ASF1B: variants seen among roughly 807,000 people sequenced by gnomAD.
ASF1B encodes the protein histone chaperone ASF1B.
ASF1B carries 10 observed loss-of-function variants against 16.6 expected under a neutral mutation model. The ratio of observed to expected loss-of-function variants is 0.60; its 90% CI spans 0.37 to 1.02. The LOEUF (loss-of-function observed/expected upper bound fraction) is 1.02. Ranked by LOEUF, ASF1B falls within the 50% of genes least tolerant of loss-of-function variation. ASF1B has a pLI of 0.01. For missense variants in ASF1B, 240 were observed against 266.0 expected (o/e 0.90, Z 0.68); for synonymous variants, 101 against 106.2 (o/e 0.95, Z 0.30).
chr19:14,133,235 C>T (rs1158062997), intron 1 of ASF1B, among the ~76,000 whole-genome samples: 1 of 152,170 alleles, frequency 6.6e-6, no homozygotes, highest in East Asian at 1.9e-4. Flanking sequence ...ATCTATGCTC[C>T]ACCCCTGAAA....
intron 1 of ASF1B, 68 bp from the exon 2 acceptor site, chr19:14,126,305 G>GT: frequency 1.9e-6 from 2 of 1,053,708 alleles, no homozygotes; most frequent in Non-Finnish European, 2.8e-6. Flanking sequence ...ATAGGCTCTT[G>GT]TATTTTTTTT....
In ASF1B at chr19:14,136,484, G is replaced by A; in HGVS notation, c.-28C>T. 1 of 1,604,896 alleles carries A rather than the reference G, an allele frequency of 6.2e-7. No homozygotes were observed. The highest frequency in any genetic ancestry group is 8.5e-7 in the Non-Finnish European group (1 of 1,173,720). On this transcript the variant is annotated 5_prime_UTR_variant, in exon 1 of 4. Transcript: ENST00000263382. ...CCTCGCCTCGCCGCGCCGCAGCAGG[G>A]GCAGGGGCTGTGGCTGTGGCGGAGG... is the stretch of plus-strand genomic sequence containing the variant.
rs185297001 is a variant in ASF1B at position 14,121,369 on chromosome 19, G to T, written c.402+163C>A. 35 of 653,524 alleles carry T rather than the reference G, an allele frequency of 5.4e-5. No homozygotes were observed. The African/African-American group carries it at 6.4e-4, about 12-fold the overall frequency. 40.5% of individuals were successfully genotyped at this position (653,524 alleles called of 1,614,324 possible). A position where few individuals can be genotyped will look rare whatever the true frequency, so the allele number is the denominator to read the frequency against. On this transcript the variant is annotated intron_variant, in intron 3 of 3. Transcript: ENST00000263382. ...TCTTAATTCTCTAAGACATGCCTTT[G>T]AGAGACAAAGGTCTTTTTCTCCTCT...
At chr19:14,120,733 A>T in intron 3 of ASF1B, 68 bp from the exon 4 acceptor site, 1 of 1,452,390 alleles carries the variant, frequency 6.9e-7, no homozygotes, top group Non-Finnish European at 9.5e-7. Flanking sequence ...GAGCCAGGAC[A>T]CCCCCAATCA....
chr19:14,135,221 C>CAAAA (rs34683519), intron 1 of ASF1B, among the ~76,000 whole-genome samples: 2 of 54,790 alleles, frequency 3.7e-5, no homozygotes, highest in Admixed American at 1.9e-4. Context: ...GAGACTGTCT[C>CAAAA]AAAAAAAAAA....
chr19:14,134,313 A>C (rs1190166563), intron 1 of ASF1B, among the ~76,000 whole-genome samples: 1 of 152,060 alleles, frequency 6.6e-6, no homozygotes, highest in South Asian at 2.1e-4. Flanking sequence ...CATATTCTAT[A>C]GTTAGCCACA....
chr19:14,134,335 TA>T (rs1477694352), intron 1 of ASF1B, among the ~76,000 whole-genome samples: 42 of 152,136 alleles, frequency 2.8e-4, no homozygotes, highest in African/African-American at 9.9e-4. Context: ...GTAGACTCCT[TA>T]ATTTAAAAAG....
At chr19:14,124,769 C>T (rs34431786) in intron 2 of ASF1B, among the ~76,000 whole-genome samples, 15,420 of 152,166 alleles carry the variant, frequency 0.1, 984 homozygotes, top group Admixed American at 0.17. Context: ...CTACTTAGTG[C>T]TTTTTTCCAT....
chr19:14,126,391 G>A (rs1043734209), intron 1 of ASF1B, among the ~76,000 whole-genome samples, 154 bp from the exon 2 acceptor site: 5 of 150,534 alleles, frequency 3.3e-5, no homozygotes, highest in East Asian at 3.9e-4. Context: ...TGCAACTTCC[G>A]CCTCCCAGGT....
Position 14,120,390 on chromosome 19 carries a change from GC to G in ASF1B, c.*68del. ...ATGGCCCCCAAAGTCCTCTAGATGG[GC>G]CCTGCAGGACTCGCTGGGAGGCCTG... On this transcript the variant is annotated 3_prime_UTR_variant, in exon 4 of 4. Coordinates refer to ENST00000263382, the MANE Select transcript of ASF1B (RefSeq NM_018154.3). 6.7e-7 allele frequency: 1 copy of G among 1,502,222 alleles called. No individual in the cohort carries two copies. The highest frequency in any genetic ancestry group is 9.1e-7 in the Non-Finnish European group (1 of 1,094,118). The allele number at this position is 1,502,222 out of a possible 1,614,324, so 93.1% of individuals were successfully genotyped here. A position where few individuals can be genotyped will look rare whatever the true frequency, so the allele number is the denominator to read the frequency against.
intron 2 of ASF1B, among the ~76,000 whole-genome samples, chr19:14,124,184 C>A (rs1039750187): frequency 2.0e-5 from 3 of 152,032 alleles, no homozygotes; most frequent in African/African-American, 7.2e-5. Flanking sequence ...AGAGACAGGT[C>A]TCGCTGTCAC....
chr19:14,132,024 G>GTTT (rs34539223), intron 1 of ASF1B, among the ~76,000 whole-genome samples: 3 of 124,592 alleles, frequency 2.4e-5, no homozygotes, highest in Admixed American at 8.3e-5. Context: ...GGTTAGGGTG[G>GTTT]TTTTTTTTTT....
intron 2 of ASF1B, among the ~76,000 whole-genome samples, chr19:14,124,044 A>G (rs1195902913): frequency 1.3e-5 from 2 of 151,956 alleles, no homozygotes; most frequent in Admixed American, 1.3e-4. Flanking sequence ...TGCCTGCCCC[A>G]GCCTCCCAAA....
rs140545505 is a variant in ASF1B at position 14,124,254 on chromosome 19, A to G, written c.225+1868T>C. Reference sequence around the variant, plus strand: ...CTGTAGCCTCAAACTCTCAGGCTCAAGCAAGCCTCCTGCTTCAGCCTCCCA... The same window carrying G: ...CTGTAGCCTCAAACTCTCAGGCTCAGGCAAGCCTCCTGCTTCAGCCTCCCA... On this transcript the variant is annotated intron_variant, in intron 2 of 3. Coordinates refer to ENST00000263382, the MANE Select transcript of ASF1B (RefSeq NM_018154.3). 7.8e-3 allele frequency among the ~76,000 whole-genome samples: 1,182 copies of G among 152,254 alleles called. 7 individuals are homozygous for G. Among genetic ancestry groups the G allele is most frequent in the Non-Finnish European group, 0.012 (788 of 68,014 alleles).
At chr19:14,133,147 A>C (rs1189590385) in intron 1 of ASF1B, among the ~76,000 whole-genome samples, 1 of 151,694 alleles carries the variant, frequency 6.6e-6, no homozygotes, top group Admixed American at 6.6e-5. Flanking sequence ...TAAATAAATA[A>C]ATAAATAATA....
Position 14,120,561 on chromosome 19 carries a change from G to A in ASF1B, c.507C>T (p.Ser169=). The A allele has an allele frequency of 6.2e-7, 1 of 1,614,016 alleles. No individual in the cohort carries two copies. The highest frequency in any genetic ancestry group is 1.3e-5 in the African/African-American group (1 of 75,032). The change falls in exon 4 of 4, where the codon TCC becomes TCT. Residue 169 remains serine (S), a synonymous_variant. Coordinates refer to ENST00000263382, the MANE Select transcript of ASF1B (RefSeq NM_018154.3). ...AGTTGAGTGGGAGGCCGCAGCCCAG[G>A]GAGGGGTCCTGGGTCTCTATGGCCT... ...RLEAIETQDP[S]LGCGLPLNCT...
intron 1 of ASF1B, among the ~76,000 whole-genome samples, chr19:14,136,120 G>C (rs1183080231): frequency 2.6e-5 from 4 of 151,124 alleles, no homozygotes; most frequent in Non-Finnish European, 4.4e-5. Flanking sequence ...CCACCCGGGA[G>C]GTCAAGGCGG....
Position 14,136,370 on chromosome 19 carries a change from C to T in ASF1B, c.87G>A (p.Glu29=), listed in dbSNP as rs911669149. The T allele has an allele frequency of 3.1e-6, 5 of 1,613,532 alleles. No homozygotes were observed. Among genetic ancestry groups the T allele is most frequent in the South Asian group, 1.1e-5 (1 of 91,052 alleles). Residue 29 remains glutamate, a synonymous_variant, in exon 1 of 4, where the codon GAG becomes GAA. Transcript: ENST00000263382. ...HSPFRFEISF[E]CSEALADDLE... ...CACCGTCCGCCAGGGCTTCACTGCA[C>T]TCGAAGCTGATCTCGAACCGGAAGG...
chr19:14,129,109 T>C (rs1270640773), intron 1 of ASF1B, among the ~76,000 whole-genome samples: 2 of 151,868 alleles, frequency 1.3e-5, no homozygotes, highest in African/African-American at 4.8e-5. Flanking sequence ...ACAAAATTAA[T>C]TGGGTGTGGT....
Sources: allele counts gnomAD v4.1 joint callset (sites outside exome capture counted in the v4.1 genomes callset), GRCh38; gene constraint gnomAD v4.1.1; transcripts MANE v1.5; gene names NCBI Gene and HGNC (gene_info 2026-07-23, HGNC 2026-07-21).